TSHZ2: variants seen among roughly 807,000 people sequenced by gnomAD.
TSHZ2 encodes the protein teashirt homolog 2.
Under a neutral mutation model 74.4 loss-of-function variants are expected in TSHZ2, and 21 were observed. The observed-to-expected ratio is 0.28, with a 90% confidence interval of 0.20 to 0.41. The LOEUF (loss-of-function observed/expected upper bound fraction) is 0.41. TSHZ2 is among the 10% of genes least tolerant of loss of function. The pLI is 1.00. For synonymous variants in TSHZ2, 540 were observed against 515.3 expected (o/e 1.05, Z -0.65); for missense variants, 1,244 against 1,293.5 (o/e 0.96, Z 0.59).
intron 1 of TSHZ2, among the ~76,000 whole-genome samples, chr20:53,123,817 G>T (rs1035112825): frequency 2.6e-5 from 4 of 152,194 alleles, no homozygotes; most frequent in Admixed American, 2.0e-4. Context: ...CTGAAAGTAA[G>T]GTGGCTGGGC....
chr20:53,199,011 C>A (rs1224212419), intron 1 of TSHZ2, among the ~76,000 whole-genome samples: 1 of 152,170 alleles, frequency 6.6e-6, no homozygotes, highest in Non-Finnish European at 1.5e-5. Context: ...CTATTGGAAT[C>A]CCACCTCTGA....
rs376684628 is a variant in TSHZ2 at position 53,128,493 on chromosome 20, TGATA to T, written c.41-125001_41-124998del. Among the ~76,000 whole-genome samples, 16 of 152,352 alleles carry T rather than the reference TGATA, an allele frequency of 1.1e-4. No individual in the cohort carries two copies. The East Asian group carries it at 3.1e-3, about 29-fold the overall frequency. On this transcript the variant is annotated intron_variant, in intron 1 of 2. Coordinates refer to ENST00000371497, the MANE Select transcript of TSHZ2 (RefSeq NM_173485.6). ...TTGCTATAAAACATTGGTAGTATGA[TGATA>T]GATAATTGCTTACCAAAGACATGCA...
intron 2 of TSHZ2, among the ~76,000 whole-genome samples, chr20:53,292,008 A>G (rs539021734): frequency 4.6e-5 from 7 of 151,884 alleles, no homozygotes; most frequent in Non-Finnish European, 4.4e-5. Flanking sequence ...AAAAAAAAAA[A>G]GAACAGATAG....
chr20:53,313,789 A>G (rs529763844), intron 2 of TSHZ2, among the ~76,000 whole-genome samples: 7 of 152,310 alleles, frequency 4.6e-5, no homozygotes, highest in African/African-American at 1.7e-4. Context: ...TCTAAAATCC[A>G]CCGAATCTGC....
chr20:53,394,821 C>T (rs1450229849), intron 2 of TSHZ2, among the ~76,000 whole-genome samples: 1 of 137,952 alleles, frequency 7.2e-6, no homozygotes, highest in African/African-American at 2.9e-5. Flanking sequence ...TCTCTCAAAG[C>T]TCCACTCATG....
intron 2 of TSHZ2, among the ~76,000 whole-genome samples, chr20:53,335,606 A>G (rs780021679): frequency 2.6e-5 from 4 of 152,206 alleles, no homozygotes; most frequent in Non-Finnish European, 5.9e-5. Context: ...AATCATCTCA[A>G]TCATTCGTTT....
At chr20:53,461,587 T>A (rs954711590) in intron 2 of TSHZ2, 10 of 152,304 alleles carry the variant, frequency 6.6e-5, no homozygotes, top group African/African-American at 2.4e-4. Flanking sequence ...GTTGAATATG[T>A]TTTTCAGATA....
At chr20:53,467,467 G>A (rs1985596404) in intron 2 of TSHZ2, among the ~76,000 whole-genome samples, 1 of 152,112 alleles carries the variant, frequency 6.6e-6, no homozygotes, top group South Asian at 2.1e-4. Flanking sequence ...ATGCAATGCA[G>A]CAAAATTATA....
intron 1 of TSHZ2, among the ~76,000 whole-genome samples, chr20:53,087,988 A>G (rs1339948166): frequency 6.6e-6 from 1 of 152,176 alleles, no homozygotes; most frequent in Admixed American, 6.5e-5. Flanking sequence ...ATTATTTTTT[A>G]AAATTGACTT....
intron 1 of TSHZ2, among the ~76,000 whole-genome samples, chr20:53,029,503 C>T (rs1983561606): frequency 6.6e-6 from 1 of 152,170 alleles, no homozygotes; most frequent in Non-Finnish European, 1.5e-5. Flanking sequence ...TGGTGAAACC[C>T]CGTCTCAACT....
At chr20:53,322,426 T>A (rs1214388535) in intron 2 of TSHZ2, among the ~76,000 whole-genome samples, 1 of 152,012 alleles carries the variant, frequency 6.6e-6, no homozygotes, top group Admixed American at 6.5e-5. Context: ...AGCAGGAGAA[T>A]TGCTTGAACT....
At chr20:53,178,505 T>C (rs1988397087) in intron 1 of TSHZ2, 1 of 152,250 alleles carries the variant, frequency 6.6e-6, no homozygotes, top group African/African-American at 2.4e-5. Flanking sequence ...TAAAACATGC[T>C]GTAGATTTGG....
At chr20:53,395,166 G>A (rs1307339198) in intron 2 of TSHZ2, among the ~76,000 whole-genome samples, 2 of 152,228 alleles carry the variant, frequency 1.3e-5, no homozygotes, top group Non-Finnish European at 1.5e-5. Flanking sequence ...AATAATGTCT[G>A]AGAAAGCACT....
chr20:53,355,563 A>G (rs1478380605), intron 2 of TSHZ2, among the ~76,000 whole-genome samples: 1 of 152,222 alleles, frequency 6.6e-6, no homozygotes, highest in Non-Finnish European at 1.5e-5. Context: ...AGGCAAATCT[A>G]TAGAGATATA....
chr20:53,107,836 G>C (rs940833136), intron 1 of TSHZ2, among the ~76,000 whole-genome samples: 1 of 152,062 alleles, frequency 6.6e-6, no homozygotes, highest in Non-Finnish European at 1.5e-5. Flanking sequence ...TTTAATGAAA[G>C]GAGAGCCTCT....
chr20:53,215,765 G>T (rs1237722464), intron 1 of TSHZ2, among the ~76,000 whole-genome samples: 1 of 151,630 alleles, frequency 6.6e-6, no homozygotes, highest in Non-Finnish European at 1.5e-5. Context: ...CTACTCAGGA[G>T]GCTGAGGCAG....
At chr20:53,036,402 G>A (rs1273360164) in intron 1 of TSHZ2, among the ~76,000 whole-genome samples, 2 of 151,730 alleles carry the variant, frequency 1.3e-5, no homozygotes, top group South Asian at 2.1e-4. Flanking sequence ...CATTTTGAAT[G>A]TACCTTTAAT....
chr20:53,345,630 T>C (rs532084953), intron 2 of TSHZ2, among the ~76,000 whole-genome samples: 23 of 152,086 alleles, frequency 1.5e-4, no homozygotes, highest in African/African-American at 5.3e-4. Context: ...TTCACCAAAT[T>C]AGAGTTTGCC....
intron 1 of TSHZ2, among the ~76,000 whole-genome samples, chr20:53,001,474 A>G (rs796765376): frequency 3.3e-5 from 5 of 152,252 alleles, no homozygotes; most frequent in African/African-American, 1.2e-4. Flanking sequence ...ATTCGAGAAG[A>G]AATAATGCTA....
Sources: gnomAD v4.1 joint callset for allele counts (sites outside exome capture counted in the v4.1 genomes callset) on GRCh38, gnomAD v4.1.1 for gene constraint, MANE v1.5 for transcripts, NCBI Gene and HGNC (gene_info 2026-07-23, HGNC 2026-07-21) for gene names.